Variants in TBXAS1 observed in about 807,000 individuals in gnomAD.
TBXAS1 encodes thromboxane-A synthase.
A neutral mutation model predicts 60.7 loss-of-function variants in TBXAS1; 48 were observed. The ratio of observed to expected loss-of-function variants is 0.79; its 90% CI spans 0.63 to 1.01. The LOEUF is 1.01. TBXAS1 is among the 50% of genes least tolerant of loss of function. The pLI, the probability that TBXAS1 is intolerant of heterozygous loss-of-function variation, is 0.00. For missense variants in TBXAS1, 685 were observed against 686.3 expected (o/e 1.00, Z 0.02); for synonymous variants, 287 against 269.7 (o/e 1.06, Z -0.63).
chr7:139,912,194 G>A (rs1345172805), intron 4 of TBXAS1, among the ~76,000 whole-genome samples: 2 of 152,180 alleles, frequency 1.3e-5, no homozygotes, highest in African/African-American at 2.4e-5. Context: ...GCTCCAGTGA[G>A]CTGAGATCGC....
chr7:139,890,505 G>A (rs1010869001), intron 3 of TBXAS1, among the ~76,000 whole-genome samples: 8 of 152,002 alleles, frequency 5.3e-5, no homozygotes, highest in Non-Finnish European at 1.2e-4. Context: ...GTGAGCCACC[G>A]CGCCCGGCCA....
chr7:139,942,817 C>T (rs926334446), intron 5 of TBXAS1, among the ~76,000 whole-genome samples: 3 of 152,122 alleles, frequency 2.0e-5, no homozygotes, highest in South Asian at 2.1e-4. Context: ...AGATGTTCCC[C>T]GTCAAGAAGG....
chr7:139,979,761 AATAAT>A (rs753791669), intron 9 of TBXAS1, among the ~76,000 whole-genome samples: 24 of 141,508 alleles, frequency 1.7e-4, no homozygotes, highest in Middle Eastern at 3.8e-3. Context: ...TAATAATAAT[AATAAT>A]AAATAAATAG....
At chr7:139,949,843 A>C (rs1809053740) in intron 5 of TBXAS1, among the ~76,000 whole-genome samples, 1 of 152,186 alleles carries the variant, frequency 6.6e-6, no homozygotes, top group Non-Finnish European at 1.5e-5. Context: ...GTTCATGCAC[A>C]GATAGCCCAA....
intron 9 of TBXAS1, among the ~76,000 whole-genome samples, chr7:139,994,662 C>T (rs1015546437): frequency 9.9e-5 from 15 of 152,276 alleles, no homozygotes; most frequent in African/African-American, 3.6e-4. Flanking sequence ...CAGTGGAGAT[C>T]TCTTTCTACC....
At chr7:139,898,413 CTTTTTTTTTTTTTTTT>C (rs71170921) in intron 3 of TBXAS1, among the ~76,000 whole-genome samples, 918 of 82,294 alleles carry the variant, frequency 0.011, 28 homozygotes, top group African/African-American at 0.042. Context: ...ACGTGCATGG[CTTTTTTTTTTTTTTTT>C]TTTTTTTTTT....
intron 5 of TBXAS1, among the ~76,000 whole-genome samples, chr7:139,947,182 A>G (rs1403129771): frequency 6.6e-6 from 1 of 152,164 alleles, no homozygotes; most frequent in Non-Finnish European, 1.5e-5. Flanking sequence ...CATCAATGAC[A>G]GACTGGATAA....
intron 4 of TBXAS1, among the ~76,000 whole-genome samples, chr7:139,816,334 G>A (rs1798147112): frequency 1.3e-5 from 2 of 152,214 alleles, no homozygotes; most frequent in Admixed American, 6.5e-5. Context: ...GGGGACAGAG[G>A]AGCGTGCTTG....
intron 9 of TBXAS1, among the ~76,000 whole-genome samples, chr7:139,965,239 G>A (rs1810692177): frequency 6.6e-6 from 1 of 151,784 alleles, no homozygotes; most frequent in Non-Finnish European, 1.5e-5. Context: ...AGGACCACAT[G>A]TTATTATGGG....
rs1276453711 is a variant in TBXAS1 at position 140,013,530 on chromosome 7, A to C, written c.1227-2193A>C. On this transcript the variant is annotated intron_variant, in intron 10 of 12. Transcript: ENST00000448866. The surrounding 1 kb of genome is among the most constrained non-coding windows in gnomAD (Gnocchi z 4.2). ...AGAGAGATTCAATGGTGCTTTCTTG[A>C]GTCACGGGTGTTGGTTGTAAGAAAC... 2.0e-5 allele frequency among the ~76,000 whole-genome samples: 3 copies of C among 152,204 alleles called. No individual in the cohort carries two copies. Among genetic ancestry groups the C allele is most frequent in the Non-Finnish European group, 4.4e-5 (3 of 68,044 alleles).
intron 6 of TBXAS1, among the ~76,000 whole-genome samples, chr7:139,954,689 A>C (rs1809694784): frequency 6.6e-6 from 1 of 152,234 alleles, no homozygotes; most frequent in Non-Finnish European, 1.5e-5. Context: ...CTCCTATAAG[A>C]TAACAAAAAG....
chr7:139,965,863 TTTCTTTCC>T (rs1810747171), intron 9 of TBXAS1, among the ~76,000 whole-genome samples: 1 of 151,946 alleles, frequency 6.6e-6, no homozygotes, highest in African/African-American at 2.4e-5. Context: ...TTTTCTTTTC[TTTCTTTCC>T]TTCTTTTATT....
At chr7:139,914,550 T>C (rs1805813124) in intron 4 of TBXAS1, among the ~76,000 whole-genome samples, 2 of 152,144 alleles carry the variant, frequency 1.3e-5, no homozygotes, top group South Asian at 4.1e-4. Context: ...CCTCTCCCTC[T>C]ACACAGTACT....
rs755258646 is a variant in TBXAS1, at chr7:139,805,660, C to CTCTTTCTT, written c.-80+18282_-80+18289dup. ...CTCCCTCCCTCCCTCCCTTCTTTTTCTCTTTCTTTCTTTCTTTCTTTCTTT... is the reference window on the plus strand; with the variant it reads ...CTCCCTCCCTCCCTCCCTTCTTTTTCTCTTTCTTTCTTTCTTTCTTTCTTTCTTTCTTT... On this transcript the variant is annotated intron_variant, in intron 4 of 16. Transcript: ENST00000336425. Among the ~76,000 whole-genome samples the CTCTTTCTT allele has an allele frequency of 7.4e-3, 747 of 101,448 alleles. 9 individuals carry two copies. The highest frequency in any genetic ancestry group is 0.014 in the Middle Eastern group (3 of 218). The allele number at this position is 101,448 out of a possible 152,430, so 66.6% of individuals were successfully genotyped here.
chr7:139,917,952 A>C (rs566957595), intron 4 of TBXAS1, among the ~76,000 whole-genome samples: 4 of 152,248 alleles, frequency 2.6e-5, no homozygotes, highest in Non-Finnish European at 5.9e-5. Flanking sequence ...ATTAATATCT[A>C]CAATTTAGGC....
chr7:139,794,048 C>A (rs974982175), intron 4 of TBXAS1, among the ~76,000 whole-genome samples: 1 of 151,524 alleles, frequency 6.6e-6, no homozygotes, highest in African/African-American at 2.4e-5. Flanking sequence ...GTGTATGGTG[C>A]ACGTGCATGT....
At chr7:139,791,376 G>A (rs1797376250) in intron 4 of TBXAS1, among the ~76,000 whole-genome samples, 2 of 152,184 alleles carry the variant, frequency 1.3e-5, no homozygotes, top group African/African-American at 4.8e-5. Flanking sequence ...CAGATAGAAG[G>A]AGAGAATGGA....
chr7:139,809,158 T>TAGAC (rs2116390932), intron 4 of TBXAS1, among the ~76,000 whole-genome samples: 1 of 150,774 alleles, frequency 6.6e-6, no homozygotes, highest in Admixed American at 6.6e-5. Context: ...GATAGGTAGA[T>TAGAC]AGATAGATAG....
intron 4 of TBXAS1, among the ~76,000 whole-genome samples, chr7:139,794,410 A>G (rs770151371): frequency 6.6e-6 from 1 of 152,056 alleles, no homozygotes; most frequent in Non-Finnish European, 1.5e-5. Flanking sequence ...AACACTTTCT[A>G]TATGGGATGA....
Sources: allele counts gnomAD v4.1 joint callset (sites outside exome capture counted in the v4.1 genomes callset), GRCh38; gene constraint gnomAD v4.1.1; non-coding constraint Gnocchi (gnomAD v3.1); transcripts MANE v1.5; gene names NCBI Gene and HGNC (gene_info 2026-07-23, HGNC 2026-07-21).